CD163L1: variants seen among roughly 807,000 people sequenced by gnomAD.
CD163L1 encodes the protein scavenger receptor cysteine-rich type 1 protein M160.
CD163L1 carries 124 observed loss-of-function variants against 165.4 expected under a neutral mutation model. The observed-to-expected ratio is 0.75, with a 90% CI of 0.65 to 0.87. The LOEUF (loss-of-function observed/expected upper bound fraction) is 0.87, where lower values mean the gene tolerates loss of function less well. Among genes scored for constraint, CD163L1 ranks in the 40% least tolerant of loss-of-function variants. The probability of loss-of-function intolerance (pLI) is 0.00; values close to 1 mark genes in which losing one functional copy is unlikely to be tolerated. For synonymous variants in CD163L1, 585 were observed against 662.2 expected (o/e 0.88, Z 1.79); for missense variants, 1,525 against 1,799.9 (o/e 0.85, Z 2.76).
downstream of CD163L1, among the ~76,000 whole-genome samples, chr12:7,350,480 A>T (rs1410137062): frequency 6.6e-6 from 1 of 152,126 alleles, no homozygotes; most frequent in Non-Finnish European, 1.5e-5. Flanking sequence ...TACTTGTGAT[A>T]TTCATCTATC....
At chr12:7,440,522 C>T (rs1445169709) in intron 2 of CD163L1, among the ~76,000 whole-genome samples, 2 of 151,802 alleles carry the variant, frequency 1.3e-5, no homozygotes, top group Non-Finnish European at 2.9e-5. Flanking sequence ...TCTTTGATTT[C>T]TGTATCTTGT....
chr12:7,357,287 T>C, intron 19 of CD163L1, 93 bp downstream of exon 19: 1 of 734,154 alleles, frequency 1.4e-6, no homozygotes, highest in Non-Finnish European at 2.3e-6. Context: ...ACATAATATA[T>C]GGTAATATAA....
chr12:7,348,629 A>G (rs1166005875), intron 4 of CD163L1, among the ~76,000 whole-genome samples: 1 of 152,110 alleles, frequency 6.6e-6, no homozygotes, highest in Non-Finnish European at 1.5e-5. Flanking sequence ...TACTTTATTA[A>G]CTGAAAAAAA....
At chr12:7,367,444 T>C (rs568209710) in intron 17 of CD163L1, 113 bp from the exon 18 acceptor site, 1 of 569,574 alleles carries the variant, frequency 1.8e-6, no homozygotes, top group Non-Finnish European at 3.1e-6. Context: ...TAAAATCCAA[T>C]GGCTCTTTCA....
At chr12:7,340,652 GA>G in the CD163L1 span, among the ~76,000 whole-genome samples, 434 of 150,972 alleles carry the variant, frequency 2.9e-3, 5 homozygotes, top group African/African-American at 9.3e-3. Flanking sequence ...AATACTCCAA[GA>G]GATGATTTCA....
intron 19 of CD163L1, among the ~76,000 whole-genome samples, chr12:7,356,143 G>T (rs780067970): frequency 6.6e-6 from 1 of 152,126 alleles, no homozygotes; most frequent in African/African-American, 2.4e-5. Flanking sequence ...TCAATCATTT[G>T]TTCCTTATAT....
intron 2 of CD163L1, 28 bp from the exon 3 acceptor site, chr12:7,433,722 G>C (rs1314612066): frequency 1.3e-6 from 2 of 1,536,326 alleles, no homozygotes; most frequent in African/African-American, 1.4e-5. Context: ...ACATACATTA[G>C]AGATGGCAAA....
At chr12:7,335,652 A>G in the CD163L1 span, among the ~76,000 whole-genome samples, 2 of 152,236 alleles carry the variant, frequency 1.3e-5, no homozygotes, top group Non-Finnish European at 2.9e-5. Flanking sequence ...GGCAAAATTG[A>G]CAAATGGGAT....
chr12:7,322,646 G>C, the CD163L1 span: 28 of 1,411,934 alleles, frequency 2.0e-5, no homozygotes, highest in East Asian at 6.9e-4. Flanking sequence ...AATTTTTATA[G>C]AGTTTCCCGG....
intron 4 of CD163L1, among the ~76,000 whole-genome samples, chr12:7,420,724 G>C (rs1156411187): frequency 6.6e-6 from 1 of 151,828 alleles, no homozygotes; most frequent in Admixed American, 6.6e-5. Flanking sequence ...GTGGTGAAAA[G>C]GGAAAACTTT....
chr12:7,386,039 C>T (rs1277932772), intron 8 of CD163L1, among the ~76,000 whole-genome samples: 1 of 151,878 alleles, frequency 6.6e-6, no homozygotes, highest in African/African-American at 2.4e-5. Flanking sequence ...AAAGCCAGTA[C>T]AATCAATGAA....
chr12:7,375,634 T>C lies in CD163L1; in HGVS notation c.2687-39A>G, dbSNP rs746056202. The C allele has an allele frequency of 3.0e-5, 48 of 1,610,142 alleles. No individual in the cohort carries two copies. The East Asian group carries it at 1.1e-3, about 36-fold the overall frequency. ...AGGCCATAGAAGAGACATCATGACTTATCAGCTCCAGCCCCAAACTCCCCA... is the reference window on the plus strand; with the variant it reads ...AGGCCATAGAAGAGACATCATGACTCATCAGCTCCAGCCCCAAACTCCCCA... On this transcript the variant is annotated intron_variant, in intron 10 of 19. Transcript: ENST00000313599.
intron 6 of CD163L1, among the ~76,000 whole-genome samples, chr12:7,402,034 C>T (rs1276578207): frequency 6.6e-6 from 1 of 151,808 alleles, no homozygotes; most frequent in Admixed American, 6.6e-5. Context: ...ATTCATAAAA[C>T]AAATTCCACT....
chr12:7,403,819 C>G lies in CD163L1; in HGVS notation c.1124G>C (p.Ser375Thr). 1.2e-6 allele frequency: 2 copies of G among 1,613,652 alleles called. No individual in the cohort carries two copies. The highest frequency in any genetic ancestry group is 1.7e-6 in the Non-Finnish European group (2 of 1,179,864). The part of the protein sequence containing the change: ...ADLELRLADG[S>T]NNCSGRVEVR... ...CTCTACTCTCCCTGAACAATTGTTA[C>G]TTCCATCTGCTAGTCGCAGTTCCAA... The change falls in exon 6 of 20, where the codon AGT becomes ACT. Residue 375 changes from serine (S) to threonine (T), a missense_variant. By Grantham distance (58) the Ser-to-Thr change is moderately conservative (BLOSUM62 1). Transcript: ENST00000313599.
Position 7,375,941 on chromosome 12 carries a change from T to C in CD163L1, c.2445A>G (p.Thr815=). Residue 815 remains threonine, a synonymous_variant, in exon 10 of 20, where the codon ACA becomes ACG. Coordinates refer to ENST00000313599, the MANE Select transcript of CD163L1 (RefSeq NM_174941.6). ...AATCAGAATCACAGACAGAGCGCCA[T>C]GTGTCTGCATGTTTCACTTCAACAC... The part of the protein sequence containing the change: ...SGRVEVKHAD[T]WRSVCDSDFS... 1.2e-6 allele frequency: 2 copies of C among 1,614,254 alleles called. No individual in the cohort carries two copies. The highest frequency in any genetic ancestry group is 1.7e-6 in the Non-Finnish European group (2 of 1,180,036).
chr12:7,432,280 A>G lies in CD163L1; in HGVS notation c.766+136T>C, dbSNP rs1948642431. The G allele has an allele frequency of 1.5e-6, 1 of 659,852 alleles. No homozygotes were observed. The highest frequency in any genetic ancestry group is 1.8e-5 in the African/African-American group (1 of 54,894). The allele number at this position is 659,852 out of a possible 1,614,324, so 40.9% of individuals were successfully genotyped here. On this transcript the variant is annotated intron_variant, in intron 4 of 19. Transcript: ENST00000313599. This position sits in a 1 kb window ranked among gnomAD's most constrained non-coding sequence, Gnocchi z 4.2. ...AGTGTTTAGGAAAACTCCAGAATGG[A>G]GCAATTTCAGGGTAACAAAAATGTG...
At position 7,389,174 on chromosome 12, in the gene CD163L1, C is replaced by T. The variant is rs151191021; in HGVS notation, c.2050+6921G>A. On this transcript the variant is annotated intron_variant, in intron 8 of 19. Coordinates refer to ENST00000313599, the MANE Select transcript of CD163L1 (RefSeq NM_174941.6). The stretch of plus-strand genomic sequence containing the variant: ...GCCCAATTTTTAGTTTTGTGAGGAA[C>T]CTCCAAACTGTTCCCCACAGTGGTT... Among the ~76,000 whole-genome samples, 10 of 152,294 alleles carry T rather than the reference C, an allele frequency of 6.6e-5. No homozygotes were observed. The East Asian group carries it at 1.7e-3, about 26-fold the overall frequency.
intron 19 of CD163L1, among the ~76,000 whole-genome samples, chr12:7,355,879 C>T (rs1303876593): frequency 6.6e-6 from 1 of 152,122 alleles, no homozygotes; most frequent in Non-Finnish European, 1.5e-5. Flanking sequence ...ATATCTTGAT[C>T]ATGGACTTCT....
In CD163L1 at chr12:7,379,182, T is replaced by C. The variant is rs750292004; in HGVS notation, c.2167A>G (p.Ile723Val). The C allele has an allele frequency of 1.2e-6, 2 of 1,614,150 alleles. No homozygotes were observed. The highest frequency in any genetic ancestry group is 1.7e-5 in the Admixed American group (1 of 60,024). Residue 723 changes from isoleucine to valine, a missense_variant, in exon 9 of 20, where the codon ATT becomes GTT. Ile to Val is a conservative substitution (Grantham distance 29). Coordinates refer to ENST00000313599, the MANE Select transcript of CD163L1 (RefSeq NM_174941.6). ...AGTTGCCTGCAAACAACTTCAGCAA[T>C]GTTCATTCCCCAGCCATTAGCACAC... is the stretch of plus-strand genomic sequence containing the variant. ...ILCANGWGMN[I>V]AEVVCRQLEC...
Sources: allele counts gnomAD v4.1 joint callset (sites outside exome capture counted in the v4.1 genomes callset), GRCh38; gene constraint gnomAD v4.1.1; non-coding constraint Gnocchi (gnomAD v3.1); transcripts MANE v1.5; gene names NCBI Gene and HGNC (gene_info 2026-07-23, HGNC 2026-07-21).